Variants in TRIM26 observed in about 807,000 individuals in gnomAD.
The protein encoded by TRIM26 is tripartite motif-containing protein 26.
A neutral mutation model predicts 45.5 loss-of-function variants in TRIM26; 16 were observed. The ratio of observed to expected loss-of-function variants is 0.35; its 90% CI spans 0.24 to 0.53. TRIM26 has a LOEUF of 0.53. TRIM26 is among the 20% of genes least tolerant of loss of function. TRIM26 has a pLI of 0.92. For synonymous variants in TRIM26, 273 were observed against 290.4 expected, an observed-to-expected ratio of 0.94 and a Z score of 0.61; for missense variants, 442 against 691.1, an observed-to-expected ratio of 0.64 and a Z score of 4.04.
intron 3 of TRIM26, among the ~76,000 whole-genome samples, chr6:30,200,315 C>A (rs1331891957): frequency 6.6e-6 from 1 of 152,070 alleles, no homozygotes; most frequent in Non-Finnish European, 1.5e-5. Flanking sequence ...CATTAAAAAA[C>A]AAACAAACAA....
At chr6:30,204,975 C>A (rs1777580696) in intron 1 of TRIM26, among the ~76,000 whole-genome samples, 1 of 152,174 alleles carries the variant, frequency 6.6e-6, no homozygotes, top group South Asian at 2.1e-4. Context: ...GGCGCGGTGG[C>A]TTCTGCCTGT....
intron 6 of TRIM26, among the ~76,000 whole-genome samples, chr6:30,193,162 GTATA>G (rs1554201636): frequency 6.2e-5 from 2 of 32,002 alleles, no homozygotes; most frequent in Non-Finnish European, 9.6e-5. Flanking sequence ...GTGTGTGTGT[GTATA>G]TATATATATA....
chr6:30,186,676 T>C lies in TRIM26; in HGVS notation c.938-118A>G. On this transcript the variant is annotated intron_variant, in intron 9 of 9. Transcript: ENST00000454678. The surrounding 1 kb of genome is among the most constrained non-coding windows in gnomAD (Gnocchi z 7.4). ...TTAAACAAAATTAAAGTTGCATACA[T>C]TAGTAATATAACTCAACATCCTTAA... is the stretch of plus-strand genomic sequence containing the variant. The C allele has an allele frequency of 7.8e-7, 1 of 1,280,490 alleles. No individual in the cohort carries two copies. Among genetic ancestry groups the C allele is most frequent in the Non-Finnish European group, 1.0e-6 (1 of 957,962 alleles). The allele number at this position is 1,280,490 out of a possible 1,614,324, so 79.3% of individuals were successfully genotyped here.
chr6:30,196,865 G>A lies in TRIM26; in HGVS notation c.535-119C>T. ...CTACCCCCGTTCAGGAATTCTACAGGATCTGGAGTGGGAGGAGCTACAGAG... is the reference window on the plus strand; with the variant it reads ...CTACCCCCGTTCAGGAATTCTACAGAATCTGGAGTGGGAGGAGCTACAGAG... On this transcript the variant is annotated intron_variant, in intron 5 of 9. Coordinates refer to ENST00000454678, the MANE Select transcript of TRIM26 (RefSeq NM_003449.5). This position sits in a 1 kb window ranked among gnomAD's most constrained non-coding sequence, Gnocchi z 4.9. 1 of 941,164 alleles carries A rather than the reference G, an allele frequency of 1.1e-6. No homozygotes were observed. Among genetic ancestry groups the A allele is most frequent in the South Asian group, 1.6e-5 (1 of 62,862 alleles). The allele number at this position is 941,164 out of a possible 1,614,324, so 58.3% of individuals were successfully genotyped here. A position where few individuals can be genotyped will look rare whatever the true frequency, so the allele number is the denominator to read the frequency against.
intron 1 of TRIM26, among the ~76,000 whole-genome samples, chr6:30,206,874 C>T (rs559908732): frequency 1.8e-3 from 273 of 152,348 alleles, no homozygotes; most frequent in African/African-American, 6.1e-3. Context: ...GCCAGAGCCT[C>T]GGACTCATTT....
In TRIM26 at chr6:30,186,302, T is replaced by C. The variant is rs1457684172; in HGVS notation, c.1194A>G (p.Glu398=). The C allele has an allele frequency of 1.9e-6, 3 of 1,603,906 alleles. No homozygotes were observed. The highest frequency in any genetic ancestry group is 2.6e-6 in the Non-Finnish European group (3 of 1,171,950). The change falls in exon 10 of 10, where the codon GAA becomes GAG. Residue 398 remains glutamate (E), a synonymous_variant. Coordinates refer to ENST00000454678, the MANE Select transcript of TRIM26 (RefSeq NM_003449.5). This position sits in a 1 kb window ranked among gnomAD's most constrained non-coding sequence, Gnocchi z 7.4. ...ATCCATCCCCATAGCCGGCCTCCTC[T>C]TCCTCCTCCTCCTCTTCTCCCTCTT... ...EEEEGEEEEE[E]EEAGYGDGYD...
chr6:30,199,247 G>A lies in TRIM26; in HGVS notation c.-144C>T. The A allele has an allele frequency of 7.5e-6, 5 of 667,764 alleles. No individual in the cohort carries two copies. Among genetic ancestry groups the A allele is most frequent in the South Asian group, 2.5e-5 (1 of 40,090 alleles). 41.4% of individuals were successfully genotyped at this position (667,764 alleles called of 1,614,324 possible). On this transcript the variant is annotated 5_prime_UTR_variant, in exon 4 of 10. Coordinates refer to ENST00000454678, the MANE Select transcript of TRIM26 (RefSeq NM_003449.5). The stretch of plus-strand genomic sequence containing the variant: ...TGCCAGCTCCAGCACTCAGTCAATC[G>A]ACAGACACCACCAGCTCCTACAAGG...
intron 1 of TRIM26, among the ~76,000 whole-genome samples, chr6:30,210,069 G>A (rs544824380): frequency 9.2e-5 from 14 of 152,038 alleles, no homozygotes; most frequent in East Asian, 1.9e-4. Context: ...GCCGGGCATG[G>A]TGGCACGCGC....
At chr6:30,195,002 T>C (rs1477631718) in intron 6 of TRIM26, among the ~76,000 whole-genome samples, 6 of 152,194 alleles carry the variant, frequency 3.9e-5, no homozygotes, top group East Asian at 3.9e-4. Flanking sequence ...CCAGTACCAA[T>C]AACATTTCCT....
intron 6 of TRIM26, among the ~76,000 whole-genome samples, chr6:30,194,934 T>C (rs939175123): frequency 6.6e-6 from 1 of 152,070 alleles, no homozygotes; most frequent in Non-Finnish European, 1.5e-5. Context: ...CCCATAAATA[T>C]ATACATTATA....
chr6:30,186,675 A>G lies in TRIM26; in HGVS notation c.938-117T>C. 1.6e-6 allele frequency: 2 copies of G among 1,277,562 alleles called. No individual in the cohort carries two copies. Among genetic ancestry groups the G allele is most frequent in the Non-Finnish European group, 2.1e-6 (2 of 955,446 alleles). 79.1% of individuals were successfully genotyped at this position (1,277,562 alleles called of 1,614,324 possible). On this transcript the variant is annotated intron_variant, in intron 9 of 9. Transcript: ENST00000454678. The surrounding 1 kb of genome is among the most constrained non-coding windows in gnomAD (Gnocchi z 7.4). ...GTTAAACAAAATTAAAGTTGCATAC[A>G]TTAGTAATATAACTCAACATCCTTA...
chr6:30,200,114 A>T (rs1014219273), intron 3 of TRIM26, among the ~76,000 whole-genome samples: 1 of 152,110 alleles, frequency 6.6e-6, no homozygotes, highest in Non-Finnish European at 1.5e-5. Context: ...CAACTAAAAA[A>T]ATTTAAAAAT....
intron 6 of TRIM26, among the ~76,000 whole-genome samples, chr6:30,191,954 G>C (rs1481434328): frequency 6.6e-6 from 1 of 152,264 alleles, no homozygotes; most frequent in African/African-American, 2.4e-5. Context: ...TCCTGACATG[G>C]AAGTTCCTAG....
Position 30,207,381 on chromosome 6 carries a change from G to C in TRIM26, c.-375-2616C>G, listed in dbSNP as rs575678715. Among the ~76,000 whole-genome samples the C allele has an allele frequency of 6.6e-6, 1 of 152,198 alleles. No homozygotes were observed. Among genetic ancestry groups the C allele is most frequent in the Non-Finnish European group, 1.5e-5 (1 of 68,032 alleles). On this transcript the variant is annotated intron_variant, in intron 1 of 9. Transcript: ENST00000454678. This position sits in a 1 kb window ranked among gnomAD's most constrained non-coding sequence, Gnocchi z 4.9. ...TACCAGAACTTACATCCAGTGACCT[G>C]AGGAATCCTTTAGAAGCTGAAATCA...
At chr6:30,199,406 C>T (rs1369226220) in intron 3 of TRIM26, 142 bp from the exon 4 acceptor site, 2 of 369,250 alleles carry the variant, frequency 5.4e-6, no homozygotes, top group African/African-American at 2.1e-5. Flanking sequence ...CTATACCTTG[C>T]TGTTGGGAGA....
rs1184105803 is a variant in TRIM26 at position 30,194,338 on chromosome 6, G to A, written c.765+2178C>T. ...GGGGCTGGGGAGAGGAGGGTGGGGA[G>A]AAGTTGGTTAACAGATACAAAGTTA... is the stretch of plus-strand genomic sequence containing the variant. On this transcript the variant is annotated intron_variant, in intron 6 of 9. Transcript: ENST00000454678. Among the ~76,000 whole-genome samples the A allele has an allele frequency of 5.3e-5, 8 of 152,298 alleles. No homozygotes were observed. In the East Asian group the frequency reaches 9.6e-4, roughly 18 times the overall value.
At chr6:30,193,578 A>C (rs542800441) in intron 6 of TRIM26, among the ~76,000 whole-genome samples, 1 of 152,068 alleles carries the variant, frequency 6.6e-6, no homozygotes, top group South Asian at 2.1e-4. Context: ...CTCCATATGA[A>C]TTTTAGTTTT....
In TRIM26 at chr6:30,198,664, AC is replaced by A; in HGVS notation, c.438+1del. 2 of 1,604,466 alleles carry A rather than the reference AC, an allele frequency of 1.2e-6. No individual in the cohort carries two copies. Among genetic ancestry groups the A allele is most frequent in the Non-Finnish European group, 1.7e-6 (2 of 1,177,936 alleles). Reference sequence around the variant, plus strand: ...GCACCCTCGGGGGTGAAGAGGGCTTACCCTGTGGGGCTGGGCGGCCTTCTCC... The same window carrying A: ...GCACCCTCGGGGGTGAAGAGGGCTTACCTGTGGGGCTGGGCGGCCTTCTCC... On this transcript the variant is annotated splice_donor_variant, in intron 4 of 9. Coordinates refer to ENST00000454678, the MANE Select transcript of TRIM26 (RefSeq NM_003449.5). LOFTEE classifies it high-confidence loss of function. The surrounding 1 kb of genome is among the most constrained non-coding windows in gnomAD (Gnocchi z 6.3).
At position 30,186,742 on chromosome 6, in the gene TRIM26, C is replaced by A; in HGVS notation, c.938-184G>T. 1 of 1,012,142 alleles carries A rather than the reference C, an allele frequency of 9.9e-7. No individual in the cohort carries two copies. The highest frequency in any genetic ancestry group is 2.7e-5 in the Admixed American group (1 of 36,778). 62.7% of individuals were successfully genotyped at this position (1,012,142 alleles called of 1,614,324 possible). A position where few individuals can be genotyped will look rare whatever the true frequency, so the allele number is the denominator to read the frequency against. ...ACACATTTTCTGGCTTTGTATTCTG[C>A]TAAATCACCATAACTAAACTGCTTT... On this transcript the variant is annotated intron_variant, in intron 9 of 9. Transcript: ENST00000454678. This position sits in a 1 kb window ranked among gnomAD's most constrained non-coding sequence, Gnocchi z 7.4.
Sources: gnomAD v4.1 joint callset for allele counts (sites outside exome capture counted in the v4.1 genomes callset) on GRCh38, gnomAD v4.1.1 for gene constraint, Gnocchi (gnomAD v3.1) non-coding constraint, MANE v1.5 for transcripts, NCBI Gene and HGNC (gene_info 2026-07-23, HGNC 2026-07-21) for gene names.